The following TSPAN5 variants were observed in gnomAD, a reference collection of about 807,000 sequenced individuals.
TSPAN5 encodes the protein tetraspanin-5.
Under a neutral mutation model 37.1 loss-of-function variants are expected in TSPAN5, and 10 were observed. The observed-to-expected ratio is 0.27, with a 90% confidence interval of 0.17 to 0.46. The LOEUF is 0.46. TSPAN5 is among the 20% of genes least tolerant of loss of function. The probability of loss-of-function intolerance (pLI) is 1.00; values close to 1 mark genes in which losing one functional copy is unlikely to be tolerated. For missense variants in TSPAN5, 195 were observed against 326.6 expected (o/e 0.60, Z 3.11); for synonymous variants, 110 against 118.9 (o/e 0.93, Z 0.48).
intron 3 of TSPAN5, chr4:98,483,805 T>G (rs1481360141): frequency 6.6e-6 from 1 of 152,402 alleles, no homozygotes; most frequent in Non-Finnish European, 1.5e-5. Context: ...TTAATTATCA[T>G]CAGTGATGCC....
intron 1 of TSPAN5, among the ~76,000 whole-genome samples, chr4:98,544,003 T>C (rs1754416217): frequency 1.3e-5 from 2 of 151,894 alleles, no homozygotes; most frequent in South Asian, 4.2e-4. Context: ...CATAGTGAGA[T>C]CTTGTCTCTA....
chr4:98,491,353 A>AG (rs1753081597), intron 2 of TSPAN5, among the ~76,000 whole-genome samples: 2 of 152,184 alleles, frequency 1.3e-5, no homozygotes, highest in Admixed American at 6.5e-5. Flanking sequence ...ACCTAGCAGG[A>AG]GAAAAAAAAC....
intron 3 of TSPAN5, among the ~76,000 whole-genome samples, chr4:98,485,734 A>G (rs1174520639): frequency 1.4e-5 from 2 of 142,562 alleles, no homozygotes; most frequent in Non-Finnish European, 1.5e-5. Context: ...CACACATTAC[A>G]TGACTATTGG....
At chr4:98,603,252 C>A (rs574678786) in intron 1 of TSPAN5, among the ~76,000 whole-genome samples, 22 of 152,304 alleles carry the variant, frequency 1.4e-4, no homozygotes, top group African/African-American at 5.1e-4. Flanking sequence ...TAGACTCCCC[C>A]CTACCAGGCA....
At chr4:98,620,435 G>A (rs1250936393) in intron 1 of TSPAN5, among the ~76,000 whole-genome samples, 1 of 152,186 alleles carries the variant, frequency 6.6e-6, no homozygotes, top group African/African-American at 2.4e-5. Flanking sequence ...TCCCATCATG[G>A]AGCAGAGATA....
chr4:98,571,193 G>A (rs1310563438), intron 1 of TSPAN5, among the ~76,000 whole-genome samples: 1 of 152,114 alleles, frequency 6.6e-6, no homozygotes, highest in Non-Finnish European at 1.5e-5. Context: ...TAGCCCTACT[G>A]ACAAAAGCAA....
chr4:98,525,257 T>C (rs1168648604), intron 1 of TSPAN5, among the ~76,000 whole-genome samples: 4 of 152,252 alleles, frequency 2.6e-5, no homozygotes. Context: ...TGTCATTTTG[T>C]TCAATGTCGT....
At chr4:98,549,641 T>C (rs1479995880) in intron 1 of TSPAN5, among the ~76,000 whole-genome samples, 2 of 152,238 alleles carry the variant, frequency 1.3e-5, no homozygotes, top group African/African-American at 4.8e-5. Context: ...ATTAGTGATG[T>C]TGAGCATTTT....
chr4:98,567,815 G>A lies in TSPAN5; in HGVS notation c.82-60087C>T, dbSNP rs373546867. On this transcript the variant is annotated intron_variant, in intron 1 of 7. Coordinates refer to ENST00000305798, the MANE Select transcript of TSPAN5 (RefSeq NM_005723.4). Reference sequence around the variant, plus strand: ...AGTTGTTGGCGGTGGTGGCGGGGCGGGGGGCCTGGTCAGGCGAGTGTTCAG... The same window carrying A: ...AGTTGTTGGCGGTGGTGGCGGGGCGAGGGGCCTGGTCAGGCGAGTGTTCAG... Among the ~76,000 whole-genome samples, 39 of 152,228 alleles carry A rather than the reference G, an allele frequency of 2.6e-4. No individual in the cohort carries two copies. In the East Asian group the frequency reaches 7.3e-3, roughly 29 times the overall value.
chr4:98,546,620 C>A (rs1016658953), intron 1 of TSPAN5, among the ~76,000 whole-genome samples: 18 of 152,080 alleles, frequency 1.2e-4, no homozygotes, highest in South Asian at 1.0e-3. Context: ...TTTAAGGCCA[C>A]AAATGTAGAG....
At chr4:98,562,941 GA>G (rs1754913209) in intron 1 of TSPAN5, among the ~76,000 whole-genome samples, 1 of 152,104 alleles carries the variant, frequency 6.6e-6, no homozygotes, top group Non-Finnish European at 1.5e-5. Context: ...GATGTTCCCA[GA>G]AAAGGTTTGG....
At chr4:98,614,916 C>T (rs980270255) in intron 1 of TSPAN5, among the ~76,000 whole-genome samples, 22 of 152,242 alleles carry the variant, frequency 1.4e-4, no homozygotes, top group Non-Finnish European at 2.8e-4. Context: ...CCAACAGCTG[C>T]TGCCATCCTC....
At chr4:98,553,952 A>C (rs1754679260) in intron 1 of TSPAN5, among the ~76,000 whole-genome samples, 1 of 152,140 alleles carries the variant, frequency 6.6e-6, no homozygotes. Flanking sequence ...CTGTAATCCC[A>C]GCTACTCAGG....
chr4:98,475,365 C>A (rs1056019417), intron 7 of TSPAN5, among the ~76,000 whole-genome samples: 2 of 152,158 alleles, frequency 1.3e-5, no homozygotes, highest in Non-Finnish European at 2.9e-5. Context: ...TGGAAAGTAT[C>A]ACACCAACAA....
chr4:98,636,303 A>G (rs1756855700), intron 1 of TSPAN5, among the ~76,000 whole-genome samples: 1 of 152,224 alleles, frequency 6.6e-6, no homozygotes, highest in South Asian at 2.1e-4. Flanking sequence ...AATATTTTAT[A>G]ATGGACATCA....
At chr4:98,657,776 T>C (rs1757322258) in intron 1 of TSPAN5, 1 of 293,990 alleles carries the variant, frequency 3.4e-6, no homozygotes, top group Non-Finnish European at 6.5e-6. Context: ...TTCCCTATTA[T>C]GACACCACGC....
intron 1 of TSPAN5, among the ~76,000 whole-genome samples, chr4:98,549,292 G>GGTTTTTTT (rs1560532920): frequency 1.4e-5 from 2 of 147,164 alleles, no homozygotes; most frequent in African/African-American, 5.2e-5. Flanking sequence ...TTGTTTGTTT[G>GGTTTTTTT]TTTGTTTTTG....
At position 98,646,765 on chromosome 4, in the gene TSPAN5, T is replaced by C. The variant is rs181063811; in HGVS notation, c.81+11381A>G. ...AGAATATTACAGAGAACAAAAAATA[T>C]ATGTTACAATGTAAGATTATTTTAA... On this transcript the variant is annotated intron_variant, in intron 1 of 7. Transcript: ENST00000305798. 1.7e-4 allele frequency among the ~76,000 whole-genome samples: 26 copies of C among 152,218 alleles called. 1 individual carries two copies. The East Asian group carries it at 4.6e-3, about 27-fold the overall frequency.
At chr4:98,527,401 T>C (rs943337807) in intron 1 of TSPAN5, among the ~76,000 whole-genome samples, 3 of 152,224 alleles carry the variant, frequency 2.0e-5, no homozygotes, top group African/African-American at 7.2e-5. Context: ...CTCCAAATTC[T>C]AGGCAAAAAT....
Sources: gnomAD v4.1 joint callset for allele counts (sites outside exome capture counted in the v4.1 genomes callset) on GRCh38, gnomAD v4.1.1 for gene constraint, MANE v1.5 for transcripts, NCBI Gene and HGNC (gene_info 2026-07-23, HGNC 2026-07-21) for gene names.